Variants in DHX8 observed in about 807,000 individuals in gnomAD.
DHX8 encodes ATP-dependent RNA helicase DHX8.
Under a neutral mutation model 140.7 loss-of-function variants are expected in DHX8, and 67 were observed. The observed-to-expected ratio is 0.48, with a 90% CI of 0.39 to 0.58. The LOEUF (loss-of-function observed/expected upper bound fraction) is 0.58, where lower values mean the gene tolerates loss of function less well. Among genes scored for constraint, DHX8 ranks in the 20% least tolerant of loss-of-function variants. The probability of loss-of-function intolerance (pLI) is 0.00; values close to 1 mark genes in which losing one functional copy is unlikely to be tolerated. For synonymous variants in DHX8, 533 were observed against 553.2 expected (o/e 0.96, Z 0.51); for missense variants, 887 against 1,550.7 (o/e 0.57, Z 7.19).
At chr17:43,532,925 T>G (rs1351564527) in intron 2 of DHX8, 49 of 1,573,634 alleles carry the variant, frequency 3.1e-5, no homozygotes, top group Non-Finnish European at 4.1e-5. Context: ...GTCCAGGGGC[T>G]GCTGGAAGAC....
At chr17:43,508,561 C>A in intron 16 of DHX8, 41 bp downstream of exon 16, 1 of 1,439,622 alleles carries the variant, frequency 6.9e-7, no homozygotes, top group Non-Finnish European at 9.7e-7. Context: ...GCCCTGAAAC[C>A]ATGTGTTGTG....
chr17:43,517,547 G>GC (rs1970173628), intron 18 of DHX8: 1 of 529,044 alleles, frequency 1.9e-6, no homozygotes, highest in African/African-American at 2.0e-5. Flanking sequence ...ATAACAACCA[G>GC]CAGGATATTA....
chr17:43,516,407 C>T (rs949931385), intron 17 of DHX8, among the ~76,000 whole-genome samples: 8 of 152,120 alleles, frequency 5.3e-5, no homozygotes, highest in African/African-American at 1.9e-4. Flanking sequence ...ACATTTTCTT[C>T]TGTCATTTAA....
chr17:43,492,447 A>G (rs950644217), intron 5 of DHX8, among the ~76,000 whole-genome samples, 155 bp downstream of exon 5: 2 of 152,206 alleles, frequency 1.3e-5, no homozygotes, highest in South Asian at 4.1e-4. Flanking sequence ...TGCTAAGTGT[A>G]TGTAGCAAAT....
At chr17:43,487,251 G>A (rs757034326) in intron 1 of DHX8, among the ~76,000 whole-genome samples, 2 of 152,296 alleles carry the variant, frequency 1.3e-5, no homozygotes, top group Admixed American at 6.5e-5. Context: ...AACTTATTAT[G>A]CATAAGATGT....
chr17:43,486,445 G>T (rs920432016), intron 1 of DHX8, among the ~76,000 whole-genome samples: 1 of 152,128 alleles, frequency 6.6e-6, no homozygotes, highest in South Asian at 2.1e-4. Flanking sequence ...AATTCTAAAA[G>T]AACTGTAATA....
At chr17:43,525,754 G>A (rs1405712490), downstream of DHX8, 23 of 985,382 alleles carry the variant, frequency 2.3e-5, no homozygotes, top group Non-Finnish European at 2.4e-5. Flanking sequence ...ACAGGTGCAT[G>A]CCACCACACC....
downstream of DHX8, chr17:43,526,450 T>C: frequency 6.5e-7 from 1 of 1,534,538 alleles, no homozygotes; most frequent in Non-Finnish European, 8.7e-7. Flanking sequence ...CCAGGTTTAC[T>C]TCATCCCGCC....
chr17:43,489,384 A>G, intron 1 of DHX8, 65 bp from the exon 2 acceptor site: 1 of 1,132,416 alleles, frequency 8.8e-7, no homozygotes, highest in Non-Finnish European at 1.3e-6. Flanking sequence ...TTTTGTTTTC[A>G]CCATACTTGA....
At chr17:43,484,479 G>A (rs1349982638) in intron 1 of DHX8, among the ~76,000 whole-genome samples, 1 of 152,134 alleles carries the variant, frequency 6.6e-6, no homozygotes, top group Non-Finnish European at 1.5e-5. Flanking sequence ...AACAACAGCA[G>A]CAGATGCTGC....
At chr17:43,528,807 G>C (rs1421615253), downstream of DHX8, 17 of 1,330,050 alleles carry the variant, frequency 1.3e-5, no homozygotes, top group Non-Finnish European at 1.5e-5. Context: ...GGGGTAAGGT[G>C]GGGGAGTGGG....
chr17:43,531,140 G>A (rs1358182749), downstream of DHX8, among the ~76,000 whole-genome samples: 1 of 152,192 alleles, frequency 6.6e-6, no homozygotes, highest in Non-Finnish European at 1.5e-5. Flanking sequence ...AGCCTGGGGG[G>A]TTGTGGTTCA....
downstream of DHX8, chr17:43,529,437 C>T: frequency 6.5e-7 from 1 of 1,544,762 alleles, no homozygotes; most frequent in Non-Finnish European, 8.8e-7. Flanking sequence ...GCCACCATTT[C>T]CCAGGTTCTC....
chr17:43,518,128 T>A (rs1970202787), intron 18 of DHX8: 1 of 152,184 alleles, frequency 6.6e-6, no homozygotes, highest in Non-Finnish European at 1.5e-5. Context: ...TAATAGTATT[T>A]GTTGGAAAGA....
At chr17:43,501,089 G>A (rs574522817) in intron 11 of DHX8, among the ~76,000 whole-genome samples, 16 of 152,078 alleles carry the variant, frequency 1.1e-4, no homozygotes, top group East Asian at 1.9e-4. Flanking sequence ...GCTTTTATGC[G>A]CTACAACTTA....
chr17:43,487,362 A>G (rs181705065), intron 1 of DHX8, among the ~76,000 whole-genome samples: 1 of 152,330 alleles, frequency 6.6e-6, no homozygotes, highest in African/African-American at 2.4e-5. Context: ...TGAGTTAGTC[A>G]TCTAGATCTT....
chr17:43,525,656 G>A lies in DHX8; in HGVS notation c.*1809G>A, dbSNP rs1970588092. ...CTCGTTTTGTTTTTGTTTTTGTTAA[G>A]ACAGGATCTTGCCATCTTGCCTAGG... On this transcript the variant is annotated 3_prime_UTR_variant, in exon 23 of 23. Transcript: ENST00000262415. The A allele has an allele frequency of 1.0e-6, 1 of 985,432 alleles. No individual in the cohort carries two copies. The highest frequency in any genetic ancestry group is 4.7e-5 in the South Asian group (1 of 21,282). 61.0% of individuals were successfully genotyped at this position (985,432 alleles called of 1,614,324 possible).
In DHX8 at chr17:43,525,498, G is replaced by A. The variant is rs144644517; in HGVS notation, c.*1651G>A. The stretch of plus-strand genomic sequence containing the variant: ...TGATTCTGTCTGAGTATTCGCCTTT[G>A]TAAGCCCAGGCCAGTAATCAAGGGG... On this transcript the variant is annotated 3_prime_UTR_variant, in exon 23 of 23. Coordinates refer to ENST00000262415, the MANE Select transcript of DHX8 (RefSeq NM_004941.3). 1.9e-5 allele frequency: 19 copies of A among 985,418 alleles called. No homozygotes were observed. The African/African-American group carries it at 2.4e-4, about 13-fold the overall frequency. 61.0% of individuals were successfully genotyped at this position (985,418 alleles called of 1,614,324 possible).
chr17:43,527,978 T>C, downstream of DHX8: 1 of 233,910 alleles, frequency 4.3e-6, no homozygotes, highest in Non-Finnish European at 8.5e-6. Context: ...CCCTCTCTGC[T>C]TATACCCAGC....
Sources: allele counts gnomAD v4.1 joint callset (sites outside exome capture counted in the v4.1 genomes callset), GRCh38; gene constraint gnomAD v4.1.1; transcripts MANE v1.5; gene names NCBI Gene and HGNC (gene_info 2026-07-23, HGNC 2026-07-21).